The following ZNRF3 variants were observed in gnomAD, a reference collection of about 807,000 sequenced individuals.
ZNRF3 encodes zinc and ring finger 3.
Under a neutral mutation model 72.5 loss-of-function variants are expected in ZNRF3, and 23 were observed. That is an observed-to-expected ratio of 0.32 (90% CI 0.23 to 0.45). The LOEUF is 0.45. Ranked by LOEUF, ZNRF3 falls within the 20% of genes least tolerant of loss-of-function variation. The probability of loss-of-function intolerance (pLI) is 1.00; values close to 1 mark genes in which losing one functional copy is unlikely to be tolerated. For synonymous variants in ZNRF3, 610 were observed against 545.3 expected (o/e 1.12, Z -1.65); for missense variants, 1,169 against 1,272.1 (o/e 0.92, Z 1.23).
intron 1 of ZNRF3, among the ~76,000 whole-genome samples, chr22:28,930,497 C>A (rs889645381): frequency 6.6e-6 from 1 of 152,204 alleles, no homozygotes; most frequent in African/African-American, 2.4e-5. Flanking sequence ...TGGGTTCAAG[C>A]CCCGGTTCTG....
intron 2 of ZNRF3, among the ~76,000 whole-genome samples, chr22:29,021,237 A>AAATAAATAAAT: frequency 6.6e-6 from 1 of 151,780 alleles, no homozygotes; most frequent in East Asian, 1.9e-4. Flanking sequence ...TGTCTCAAAA[A>AAATAAATAAAT]AAATAAATAA....
At chr22:28,918,059 A>G (rs2034440218) in intron 1 of ZNRF3, among the ~76,000 whole-genome samples, 1 of 152,178 alleles carries the variant, frequency 6.6e-6, no homozygotes, top group African/African-American at 2.4e-5. Flanking sequence ...GCGTGCTTAG[A>G]GGAACTGAAG....
intron 1 of ZNRF3, among the ~76,000 whole-genome samples, chr22:28,893,309 C>T (rs1354678104): frequency 6.6e-6 from 1 of 152,082 alleles, no homozygotes; most frequent in Non-Finnish European, 1.5e-5. Context: ...ATCTTGTCAG[C>T]AAACATTTAT....
At chr22:28,989,564 T>C (rs2035918785) in intron 2 of ZNRF3, among the ~76,000 whole-genome samples, 1 of 152,190 alleles carries the variant, frequency 6.6e-6, no homozygotes, top group Non-Finnish European at 1.5e-5. Context: ...TCCATCCATT[T>C]CTTGGCTCTG....
intron 1 of ZNRF3, among the ~76,000 whole-genome samples, chr22:28,923,918 G>A (rs115900168): frequency 0.021 from 3,143 of 152,334 alleles, 79 homozygotes; most frequent in African/African-American, 0.048. Flanking sequence ...CCGAGCGGGC[G>A]AGGCCATGGC....
At chr22:28,888,156 G>A (rs892709556) in intron 1 of ZNRF3, among the ~76,000 whole-genome samples, 1 of 152,156 alleles carries the variant, frequency 6.6e-6, no homozygotes, top group Non-Finnish European at 1.5e-5. Flanking sequence ...GCTATTAGGG[G>A]TGGGTAGAGA....
chr22:28,929,540 A>T (rs921010547), intron 1 of ZNRF3, among the ~76,000 whole-genome samples: 4 of 152,204 alleles, frequency 2.6e-5, no homozygotes, highest in Admixed American at 2.6e-4. Context: ...CTGTTCTAGA[A>T]ATTCTTCAGG....
At position 28,884,048 on chromosome 22, in the gene ZNRF3, C is replaced by G; in HGVS notation, c.282C>G (p.Ala94=). 8.0e-7 allele frequency: 1 copy of G among 1,255,562 alleles called. No individual in the cohort carries two copies. The allele number at this position is 1,255,562 out of a possible 1,614,324, so 77.8% of individuals were successfully genotyped here. A position where few individuals can be genotyped will look rare whatever the true frequency, so the allele number is the denominator to read the frequency against. The change falls in exon 1 of 9, where the codon GCC becomes GCG. Residue 94 remains alanine (A), a synonymous_variant. Coordinates refer to ENST00000544604, the MANE Select transcript of ZNRF3 (RefSeq NM_001206998.2). ...RFSRAGATLS[A]EGEIVQMHPL... is the part of the protein sequence containing the mutation. The stretch of plus-strand genomic sequence containing the variant: ...CGCGGGCCGGGGCCACGCTCAGCGC[C>G]GAGGGCGAGATCGTGCAGGTAGCTG...
chr22:28,894,363 A>G (rs187459524), intron 1 of ZNRF3, among the ~76,000 whole-genome samples: 23 of 145,062 alleles, frequency 1.6e-4, no homozygotes, highest in African/African-American at 5.7e-4. Flanking sequence ...TGTCTGCCAT[A>G]AGGATCTGAA....
rs184219298 is a variant in ZNRF3 at position 29,055,803 on chromosome 22, G to A, written c.*2181G>A. 1 of 96,362 alleles carries A rather than the reference G, an allele frequency of 1.0e-5. No homozygotes were observed. Among genetic ancestry groups the A allele is most frequent in the Non-Finnish European group, 2.1e-5 (1 of 48,012 alleles). The allele number at this position is 96,362 out of a possible 1,614,324, so 6.0% of individuals were successfully genotyped here. ...ATATTTTTTTGTTGTTGTTTCTGGG[G>A]GGTTTTTTTGTTTTGTTTTTAATGC... is the stretch of plus-strand genomic sequence containing the variant. On this transcript the variant is annotated 3_prime_UTR_variant, in exon 9 of 9. Transcript: ENST00000544604.
At chr22:29,005,134 T>C (rs2036218844) in intron 2 of ZNRF3, among the ~76,000 whole-genome samples, 1 of 152,240 alleles carries the variant, frequency 6.6e-6, no homozygotes, top group African/African-American at 2.4e-5. Flanking sequence ...CTTAGCGCCA[T>C]GTGCTTCAAA....
At chr22:28,948,648 T>C (rs956053135) in intron 1 of ZNRF3, among the ~76,000 whole-genome samples, 7 of 152,198 alleles carry the variant, frequency 4.6e-5, no homozygotes, top group Admixed American at 6.5e-5. Context: ...TACACAGATA[T>C]GTAGTTGGAA....
chr22:29,038,683 A>G (rs773339927), intron 2 of ZNRF3, among the ~76,000 whole-genome samples: 8 of 152,086 alleles, frequency 5.3e-5, no homozygotes, highest in Admixed American at 1.3e-4. Context: ...TCTTTTTCTA[A>G]ATATGGGTTA....
intron 2 of ZNRF3, among the ~76,000 whole-genome samples, chr22:29,011,838 A>G (rs945181352): frequency 1.3e-5 from 2 of 152,236 alleles, no homozygotes; most frequent in Non-Finnish European, 2.9e-5. Context: ...AAGGGTTTCT[A>G]TTTTGTTTTT....
At chr22:28,974,350 A>G (rs1165104145) in intron 1 of ZNRF3, among the ~76,000 whole-genome samples, 1 of 152,286 alleles carries the variant, frequency 6.6e-6, no homozygotes, top group African/African-American at 2.4e-5. Flanking sequence ...AATTCATGGG[A>G]AAAAGCCCTG....
intron 1 of ZNRF3, among the ~76,000 whole-genome samples, chr22:28,969,017 T>A (rs886843579): frequency 3.8e-4 from 58 of 152,198 alleles, no homozygotes; most frequent in Non-Finnish European, 7.8e-4. Flanking sequence ...TACCTCCATG[T>A]GGTCTTGGCC....
intron 2 of ZNRF3, among the ~76,000 whole-genome samples, chr22:28,991,918 G>T (rs2035960031): frequency 6.6e-6 from 1 of 152,028 alleles, no homozygotes. Context: ...TGAGTCAGGA[G>T]AGCTGCTTGA....
At chr22:29,006,759 G>A (rs1001177485) in intron 2 of ZNRF3, among the ~76,000 whole-genome samples, 1 of 152,142 alleles carries the variant, frequency 6.6e-6, no homozygotes, top group Non-Finnish European at 1.5e-5. Flanking sequence ...TCATGATTCT[G>A]GAAAAGGTTT....
intron 2 of ZNRF3, among the ~76,000 whole-genome samples, chr22:29,036,875 T>G (rs368630533): frequency 3.9e-5 from 6 of 152,248 alleles, no homozygotes; most frequent in South Asian, 4.1e-4. Flanking sequence ...TAGAAGCTTA[T>G]GATAAAGAAA....
Sources: gnomAD v4.1 joint callset for allele counts (sites outside exome capture counted in the v4.1 genomes callset) on GRCh38, gnomAD v4.1.1 for gene constraint, MANE v1.5 for transcripts, NCBI Gene and HGNC (gene_info 2026-07-23, HGNC 2026-07-21) for gene names.